The following RASSF3 variants were observed in gnomAD, a reference collection of about 807,000 sequenced individuals.
RASSF3 encodes Ras association domain family member 3.
Under a neutral mutation model 19.9 loss-of-function variants are expected in RASSF3, and 19 were observed. The ratio of observed to expected loss-of-function variants is 0.96; its 90% confidence interval spans 0.67 to 1.40. RASSF3 has a LOEUF of 1.40. RASSF3 is among the 40% of genes most tolerant of loss of function. The probability of loss-of-function intolerance (pLI) is 0.00; values close to 1 mark genes in which losing one functional copy is unlikely to be tolerated. For synonymous variants in RASSF3, 110 were observed against 104.2 expected (o/e 1.06, Z -0.34); for missense variants, 306 against 289.8 (o/e 1.06, Z -0.41).
At chr12:64,543,710 G>A (rs1418416574), downstream of RASSF3, among the ~76,000 whole-genome samples, 1 of 151,350 alleles carries the variant, frequency 6.6e-6, no homozygotes, top group Non-Finnish European at 1.5e-5. Context: ...GAAGCCTGCT[G>A]GGCTCCTGAG....
At chr12:64,521,327 G>A (rs1868474893) in intron 1 of RASSF3, among the ~76,000 whole-genome samples, 1 of 152,224 alleles carries the variant, frequency 6.6e-6, no homozygotes, top group African/African-American at 2.4e-5. Flanking sequence ...GCAGGAGAAA[G>A]AGGCCCAAAG....
intron 2 of RASSF3, among the ~76,000 whole-genome samples, chr12:64,602,272 A>T (rs940310658): frequency 1.4e-5 from 2 of 143,576 alleles, no homozygotes; most frequent in Admixed American, 1.4e-4. Flanking sequence ...CCTCATCTCT[A>T]TTTTTTTTTT....
chr12:64,553,147 T>A (rs1480217454), intron 2 of RASSF3, among the ~76,000 whole-genome samples: 3 of 152,166 alleles, frequency 2.0e-5, no homozygotes, highest in Admixed American at 2.0e-4. Context: ...TTCCACACAA[T>A]CTCTTTTTGA....
At chr12:64,638,739 T>G (rs1191415248) in intron 1 of RASSF3, among the ~76,000 whole-genome samples, 1 of 152,212 alleles carries the variant, frequency 6.6e-6, no homozygotes, top group Non-Finnish European at 1.5e-5. Context: ...GCCATCCATC[T>G]ACTTTATACT....
chr12:64,616,323 T>C (rs1330055087), intron 1 of RASSF3, among the ~76,000 whole-genome samples: 1 of 152,216 alleles, frequency 6.6e-6, no homozygotes, highest in African/African-American at 2.4e-5. Context: ...GCTAAAAATA[T>C]CCAATAATGT....
intron 2 of RASSF3, among the ~76,000 whole-genome samples, chr12:64,553,463 T>C (rs1020195226): frequency 6.6e-6 from 1 of 152,140 alleles, no homozygotes; most frequent in Admixed American, 6.6e-5. Flanking sequence ...AGAAGATAGA[T>C]GCTTCAGGAT....
chr12:64,587,892 T>C (rs1342210600), intron 2 of RASSF3, among the ~76,000 whole-genome samples: 1 of 152,180 alleles, frequency 6.6e-6, no homozygotes, highest in Non-Finnish European at 1.5e-5. Flanking sequence ...GATTATACCA[T>C]TTGGTAGTTC....
intron 2 of RASSF3, among the ~76,000 whole-genome samples, chr12:64,566,915 G>T (rs2136128265): frequency 6.6e-6 from 1 of 152,358 alleles, no homozygotes; most frequent in South Asian, 2.1e-4. Context: ...AAAAGCAATT[G>T]CTGAAGCGAT....
chr12:64,657,341 G>A (rs560471540), intron 1 of RASSF3, among the ~76,000 whole-genome samples: 12 of 152,180 alleles, frequency 7.9e-5, no homozygotes, highest in Non-Finnish European at 1.3e-4. Context: ...AAAAAGTTCT[G>A]GAGATGGATG....
At chr12:64,543,806 T>C (rs1869000102), downstream of RASSF3, among the ~76,000 whole-genome samples, 1 of 151,876 alleles carries the variant, frequency 6.6e-6, no homozygotes, top group South Asian at 2.1e-4. Context: ...TCAAGGTTTG[T>C]AAATGCACCA....
At chr12:64,630,552 G>T (rs1231086003) in intron 1 of RASSF3, among the ~76,000 whole-genome samples, 2 of 152,050 alleles carry the variant, frequency 1.3e-5, no homozygotes, top group Non-Finnish European at 2.9e-5. Context: ...TTAAAAAAAG[G>T]GTGCTTAGAA....
Position 64,684,431 on chromosome 12 carries a change from G to GTTTTT in RASSF3, c.112-353_112-352insTTTTT, listed in dbSNP as rs146721078. Among the ~76,000 whole-genome samples, 156 of 121,470 alleles carry GTTTTT rather than the reference G, an allele frequency of 1.3e-3. 1 individual carries two copies. Among genetic ancestry groups the GTTTTT allele is most frequent in the African/African-American group, 3.2e-3 (102 of 31,542 alleles). 79.7% of individuals were successfully genotyped at this position (121,470 alleles called of 152,430 possible). A position where few individuals can be genotyped will look rare whatever the true frequency, so the allele number is the denominator to read the frequency against. On this transcript the variant is annotated intron_variant, in intron 1 of 4. Transcript: ENST00000542104. ...TCCTGACTTATCTGTTTGTTTGTTT[G>GTTTTT]TTTGTTTTTTTTTTTTGAGACAGAG...
At chr12:64,639,163 T>G (rs946612936) in intron 1 of RASSF3, among the ~76,000 whole-genome samples, 3 of 152,226 alleles carry the variant, frequency 2.0e-5, no homozygotes, top group Admixed American at 6.5e-5. Flanking sequence ...TTTTTGAAGC[T>G]GTAATGGCGC....
intron 1 of RASSF3, among the ~76,000 whole-genome samples, chr12:64,630,781 G>A (rs948451066): frequency 1.3e-5 from 2 of 152,150 alleles, no homozygotes; most frequent in African/African-American, 2.4e-5. Flanking sequence ...AGGAGTCAAG[G>A]AAGAGTTGTA....
intron 1 of RASSF3, among the ~76,000 whole-genome samples, chr12:64,636,574 A>G (rs766556760): frequency 6.6e-5 from 10 of 151,994 alleles, no homozygotes; most frequent in South Asian, 2.1e-4. Context: ...TGAGTTCCAA[A>G]AATTAAAGTA....
At chr12:64,618,798 A>G (rs1870640723) in intron 1 of RASSF3, among the ~76,000 whole-genome samples, 1 of 152,206 alleles carries the variant, frequency 6.6e-6, no homozygotes, top group Admixed American at 6.5e-5. Context: ...GTGCTGTACA[A>G]TACAGTAGTC....
intron 2 of RASSF3, among the ~76,000 whole-genome samples, chr12:64,548,474 G>A (rs531722760): frequency 6.6e-6 from 1 of 152,300 alleles, no homozygotes; most frequent in South Asian, 2.1e-4. Flanking sequence ...ATAGGCATGA[G>A]CCACAGCACC....
intron 1 of RASSF3, among the ~76,000 whole-genome samples, chr12:64,623,155 G>T (rs1482688965): frequency 6.6e-6 from 1 of 151,928 alleles, no homozygotes; most frequent in East Asian, 1.9e-4. Flanking sequence ...TTGTTTCGAG[G>T]AATCTTTTTT....
intron 1 of RASSF3, among the ~76,000 whole-genome samples, chr12:64,673,266 A>G (rs1375246475): frequency 6.6e-6 from 1 of 152,124 alleles, no homozygotes; most frequent in Admixed American, 6.5e-5. Flanking sequence ...GATGTTATAT[A>G]TAATCTTGAA....
Sources: allele counts gnomAD v4.1 joint callset (sites outside exome capture counted in the v4.1 genomes callset), GRCh38; gene constraint gnomAD v4.1.1; transcripts MANE v1.5; gene names NCBI Gene and HGNC (gene_info 2026-07-23, HGNC 2026-07-21).